The following C1D variants were observed in gnomAD, a reference collection of about 807,000 sequenced individuals.
C1D encodes the protein nuclear nucleic acid-binding protein C1D.
In C1D, 10 loss-of-function variants were observed where a neutral mutation model predicts 17.5. The ratio of observed to expected loss-of-function variants is 0.57; its 90% CI spans 0.35 to 0.97. The LOEUF (loss-of-function observed/expected upper bound fraction) is 0.97. C1D is among the 50% of genes least tolerant of loss of function. The pLI is 0.01. For synonymous variants in C1D, 49 were observed against 54.0 expected, an observed-to-expected ratio of 0.91 and a Z score of 0.40; for missense variants, 136 against 160.1, an observed-to-expected ratio of 0.85 and a Z score of 0.81.
chr2:68,042,845 G>GA lies in C1D; in HGVS notation c.*43_*44insT. The GA allele has an allele frequency of 3.3e-6, 1 of 304,686 alleles. No homozygotes were observed. The highest frequency in any genetic ancestry group is 5.7e-6 in the Non-Finnish European group (1 of 174,504). The allele number at this position is 304,686 out of a possible 1,614,324, so 18.9% of individuals were successfully genotyped here. ...TTATTTTGCGGGGGGGGGGGGGGGG[G>GA]GGAAGATGTACTTTTTGAATATGTG... On this transcript the variant is annotated 3_prime_UTR_variant, in exon 5 of 5. Coordinates refer to ENST00000410067, the MANE Select transcript of C1D (RefSeq NM_173177.3).
At chr2:68,046,450 G>A (rs1446607902) in intron 2 of C1D, 40 bp from the exon 3 acceptor site, 2 of 1,371,070 alleles carry the variant, frequency 1.5e-6, no homozygotes, top group Middle Eastern at 1.8e-4. Context: ...GAGAAAGTGA[G>A]ACAGAAAAAA....
rs550539401 is a variant in C1D at position 68,043,971 on chromosome 2, C to T, written c.262-918G>A. 2.2e-4 allele frequency among the ~76,000 whole-genome samples: 33 copies of T among 152,274 alleles called. No homozygotes were observed. In the East Asian group the frequency reaches 3.3e-3, roughly 15 times the overall value. ...ACCAACCTGCCTTGGGGTCTTTGCC[C>T]TGCTTATTCCTCTGCCTAGAAGGAT... On this transcript the variant is annotated intron_variant, in intron 4 of 4. Transcript: ENST00000410067.
At chr2:68,049,565 C>T (rs1021286329) in intron 1 of C1D, among the ~76,000 whole-genome samples, 133 of 152,256 alleles carry the variant, frequency 8.7e-4, no homozygotes, top group African/African-American at 3.0e-3. Flanking sequence ...AAAAGAATTA[C>T]ACAGTAGTCA....
At chr2:68,054,815 A>C (rs1003398294) in intron 1 of C1D, among the ~76,000 whole-genome samples, 4 of 151,848 alleles carry the variant, frequency 2.6e-5, no homozygotes, top group Admixed American at 6.6e-5. Context: ...AAATATTTTT[A>C]ATTAGCTGGG....
chr2:68,055,895 C>T (rs142890743), intron 1 of C1D, among the ~76,000 whole-genome samples: 6 of 152,204 alleles, frequency 3.9e-5, no homozygotes, highest in African/African-American at 1.4e-4. Flanking sequence ...AATACAACTC[C>T]GTTCATATAT....
intron 4 of C1D, among the ~76,000 whole-genome samples, chr2:68,045,111 A>T (rs1376884314): frequency 6.6e-6 from 1 of 152,182 alleles, no homozygotes; most frequent in Non-Finnish European, 1.5e-5. Context: ...CTTAGACTAC[A>T]TGTTGAAAAA....
intron 1 of C1D, among the ~76,000 whole-genome samples, chr2:68,056,709 A>G (rs1021884121): frequency 2.0e-5 from 3 of 152,230 alleles, no homozygotes; most frequent in Non-Finnish European, 4.4e-5. Context: ...TAAATCGCTA[A>G]AATATGATGC....
At chr2:68,052,827 C>T (rs560460930) in intron 1 of C1D, among the ~76,000 whole-genome samples, 16 of 152,188 alleles carry the variant, frequency 1.1e-4, no homozygotes, top group African/African-American at 2.2e-4. Context: ...ACAGAAAAAG[C>T]GCAGAAATTT....
chr2:68,051,680 T>G (rs1404300221), intron 1 of C1D, among the ~76,000 whole-genome samples: 2 of 152,058 alleles, frequency 1.3e-5, no homozygotes, highest in Non-Finnish European at 2.9e-5. Flanking sequence ...CTACCTCCCT[T>G]TGGGCTTCTC....
At chr2:68,057,564 G>C (rs1358194153) in intron 1 of C1D, among the ~76,000 whole-genome samples, 2 of 152,164 alleles carry the variant, frequency 1.3e-5, no homozygotes, top group African/African-American at 2.4e-5. Flanking sequence ...GTTAACTGTG[G>C]TCACTTCTGG....
chr2:68,057,312 C>T (rs994286563), intron 1 of C1D, among the ~76,000 whole-genome samples: 14 of 137,380 alleles, frequency 1.0e-4, no homozygotes, highest in Admixed American at 8.3e-4. Flanking sequence ...CCACACCTTG[C>T]TATTTTTTTT....
chr2:68,046,729 A>C lies in C1D; in HGVS notation c.139-319T>G, dbSNP rs922403743. 2.6e-4 allele frequency among the ~76,000 whole-genome samples: 39 copies of C among 152,200 alleles called. 1 individual carries two copies. Among genetic ancestry groups the C allele is most frequent in the African/African-American group, 9.2e-4 (38 of 41,470 alleles). The stretch of plus-strand genomic sequence containing the variant: ...TACGATCTGGGCTTTGTAAGTCAAA[A>C]GTAATTTATCAATATAAACATTGTA... On this transcript the variant is annotated intron_variant, in intron 2 of 4. Transcript: ENST00000410067.
intron 4 of C1D, among the ~76,000 whole-genome samples, chr2:68,043,955 C>G (rs182651276): frequency 3.6e-4 from 55 of 152,308 alleles, no homozygotes; most frequent in African/African-American, 1.3e-3. Flanking sequence ...CACCAACCTG[C>G]CTTGGGGTCT....
chr2:68,059,732 C>G (rs2103818415), intron 1 of C1D, among the ~76,000 whole-genome samples: 1 of 152,348 alleles, frequency 6.6e-6, no homozygotes, highest in Non-Finnish European at 1.5e-5. Flanking sequence ...TTGTCCCTCA[C>G]TGGCTGCTCA....
In C1D at chr2:68,042,103, GA is replaced by G. The variant is rs1670971383; in HGVS notation, c.*785del. ...AAGAACTGTGGACACCATGCATCAGGAACAAAAACTCAAGAATTTCTCTATT... is the reference window on the plus strand; with the variant it reads ...AAGAACTGTGGACACCATGCATCAGGACAAAAACTCAAGAATTTCTCTATT... On this transcript the variant is annotated 3_prime_UTR_variant, in exon 5 of 5. Coordinates refer to ENST00000410067, the MANE Select transcript of C1D (RefSeq NM_173177.3). 6.6e-6 allele frequency: 1 copy of G among 151,870 alleles called. No individual in the cohort carries two copies. The highest frequency in any genetic ancestry group is 6.6e-5 in the Admixed American group (1 of 15,242). The allele number at this position is 151,870 out of a possible 1,614,324, so 9.4% of individuals were successfully genotyped here. A position where few individuals can be genotyped will look rare whatever the true frequency, so the allele number is the denominator to read the frequency against.
At chr2:68,044,719 A>C (rs755356417) in intron 4 of C1D, among the ~76,000 whole-genome samples, 59 of 152,164 alleles carry the variant, frequency 3.9e-4, no homozygotes, top group Non-Finnish European at 7.2e-4. Context: ...AAAAAAGAAA[A>C]AAAAAGAAAA....
intron 4 of C1D, among the ~76,000 whole-genome samples, chr2:68,044,829 C>T (rs2103792517): frequency 6.6e-6 from 1 of 152,176 alleles, no homozygotes; most frequent in South Asian, 2.1e-4. Context: ...AGAAAGAAAA[C>T]AAATGACCTT....
chr2:68,047,478 T>C (rs1362858434), intron 1 of C1D, among the ~76,000 whole-genome samples, 159 bp from the exon 2 acceptor site: 1 of 152,228 alleles, frequency 6.6e-6, no homozygotes, highest in African/African-American at 2.4e-5. Flanking sequence ...ATTAACTACA[T>C]TCCAATTTGT....
chr2:68,061,367 AT>A (rs1185252632), intron 1 of C1D, among the ~76,000 whole-genome samples: 1 of 152,240 alleles, frequency 6.6e-6, no homozygotes, highest in Non-Finnish European at 1.5e-5. Context: ...TTTCTAAAAA[AT>A]ATATTAACAT....
Sources: allele counts gnomAD v4.1 joint callset (sites outside exome capture counted in the v4.1 genomes callset), GRCh38; gene constraint gnomAD v4.1.1; transcripts MANE v1.5; gene names NCBI Gene and HGNC (gene_info 2026-07-23, HGNC 2026-07-21).